The following PTPRG variants were observed in gnomAD, a reference collection of about 807,000 sequenced individuals.
PTPRG encodes protein tyrosine phosphatase receptor type G.
Under a neutral mutation model 165.3 loss-of-function variants are expected in PTPRG, and 102 were observed. The ratio of observed to expected loss-of-function variants is 0.62; its 90% CI spans 0.53 to 0.73. The LOEUF is 0.73. Ranked by LOEUF, PTPRG falls within the 30% of genes least tolerant of loss-of-function variation. The pLI, the probability that PTPRG is intolerant of heterozygous loss-of-function variation, is 0.00. For missense variants in PTPRG, 1,866 were observed against 1,861.4 expected, an observed-to-expected ratio of 1.00 and a Z score of -0.05; for synonymous variants, 675 against 669.5, an observed-to-expected ratio of 1.01 and a Z score of -0.13.
chr3:61,835,778 C>T (rs2107310605), intron 2 of PTPRG, among the ~76,000 whole-genome samples: 1 of 151,970 alleles, frequency 6.6e-6, no homozygotes, highest in Non-Finnish European at 1.5e-5. Context: ...GTGGCTCACA[C>T]CTGTAATCCC....
chr3:62,100,078 A>T (rs9883355), intron 5 of PTPRG, among the ~76,000 whole-genome samples: 7,066 of 151,966 alleles, frequency 0.046, 553 homozygotes, highest in African/African-American at 0.16. Context: ...ATCTTTTAAT[A>T]ATGTAATTTT....
chr3:62,078,100 T>A (rs1701450714), intron 4 of PTPRG, 63 bp from the exon 5 acceptor site: 4 of 1,126,784 alleles, frequency 3.5e-6, no homozygotes, highest in Non-Finnish European at 5.2e-6. Context: ...ATGGTACTAT[T>A]CTCTCAACTT....
intron 1 of PTPRG, among the ~76,000 whole-genome samples, chr3:61,614,465 AGTGGC>A (rs2106880733): frequency 7.6e-6 from 1 of 132,170 alleles, no homozygotes; most frequent in South Asian, 2.4e-4. Flanking sequence ...GCTGGAGTGC[AGTGGC>A]GTGATCTCGG....
intron 4 of PTPRG, among the ~76,000 whole-genome samples, chr3:62,052,168 T>A (rs979728042): frequency 3.3e-5 from 5 of 152,234 alleles, no homozygotes; most frequent in Admixed American, 3.3e-4. Context: ...CAATATATTT[T>A]GTGAATTATT....
intron 1 of PTPRG, among the ~76,000 whole-genome samples, chr3:61,745,730 G>C (rs887460839): frequency 6.6e-6 from 1 of 152,180 alleles, no homozygotes; most frequent in African/African-American, 2.4e-5. Context: ...TGATGTATAT[G>C]TGTGTCTGGG....
chr3:62,260,482 C>T (rs536023006), intron 16 of PTPRG, among the ~76,000 whole-genome samples: 4 of 152,082 alleles, frequency 2.6e-5, no homozygotes, highest in South Asian at 4.2e-4. Context: ...GTTCAGTCTT[C>T]GATTTTTTGC....
chr3:61,939,636 G>T (rs1024261275), intron 2 of PTPRG, among the ~76,000 whole-genome samples: 31 of 152,160 alleles, frequency 2.0e-4, no homozygotes, highest in African/African-American at 7.5e-4. Context: ...GAAATGGTTT[G>T]AGAGTTATAT....
chr3:62,046,441 C>A (rs1700295651), intron 4 of PTPRG, among the ~76,000 whole-genome samples: 1 of 152,112 alleles, frequency 6.6e-6, no homozygotes, highest in South Asian at 2.1e-4. Flanking sequence ...TAACAAGTAC[C>A]TTATGTATAC....
intron 15 of PTPRG, among the ~76,000 whole-genome samples, chr3:62,253,058 G>A (rs1352345633): frequency 6.6e-6 from 1 of 152,182 alleles, no homozygotes; most frequent in African/African-American, 2.4e-5. Flanking sequence ...GCATGTGTGT[G>A]TGACATTAGC....
In PTPRG at chr3:62,198,971, C is replaced by T. The variant is rs17633905; in HGVS notation, c.1328-2534C>T. On this transcript the variant is annotated intron_variant, in intron 10 of 29. Transcript: ENST00000474889. ...TCTGAAAGGTCCTGTAGAAGCTAGT[C>T]CTAGTTACTAGGGCTATCAGTGACC... is the stretch of plus-strand genomic sequence containing the variant. Among the ~76,000 whole-genome samples the T allele has an allele frequency of 7.2e-3, 1,103 of 152,258 alleles. 11 individuals are homozygous for T. The highest frequency in any genetic ancestry group is 0.011 in the Non-Finnish European group (742 of 68,018).
intron 2 of PTPRG, among the ~76,000 whole-genome samples, chr3:61,876,064 A>C (rs993936531): frequency 1.3e-5 from 2 of 152,252 alleles, no homozygotes; most frequent in African/African-American, 4.8e-5. Context: ...TTGGTAGCCC[A>C]ATATCAGTCA....
intron 1 of PTPRG, among the ~76,000 whole-genome samples, chr3:61,718,988 A>C (rs777577092): frequency 6.6e-6 from 1 of 152,186 alleles, no homozygotes; most frequent in Non-Finnish European, 1.5e-5. Context: ...TGTCCCCAAC[A>C]ATCCATCAAG....
chr3:62,207,900 G>A lies in PTPRG; in HGVS notation c.2155+3950G>A, dbSNP rs138125054. Among the ~76,000 whole-genome samples the A allele has an allele frequency of 9.7e-3, 1,484 of 152,258 alleles. 23 individuals carry two copies. The highest frequency in any genetic ancestry group is 0.034 in the African/African-American group (1,408 of 41,548). Reference sequence around the variant, plus strand: ...GACTGCAGCAAATTAAAGAGCACATGACTTTTCTAAAGAGGGCCATCTCAC... The same window carrying A: ...GACTGCAGCAAATTAAAGAGCACATAACTTTTCTAAAGAGGGCCATCTCAC... On this transcript the variant is annotated intron_variant, in intron 12 of 29. Coordinates refer to ENST00000474889, the MANE Select transcript of PTPRG (RefSeq NM_002841.4).
In PTPRG at chr3:62,190,134, G is replaced by A. The variant is rs1458271788; in HGVS notation, c.1034-1335G>A. On this transcript the variant is annotated intron_variant, in intron 8 of 29. Coordinates refer to ENST00000474889, the MANE Select transcript of PTPRG (RefSeq NM_002841.4). This position sits in a 1 kb window ranked among gnomAD's most constrained non-coding sequence, Gnocchi z 5.2. ...TGGTGAGCCTCCATCTCTTAGAGTG[G>A]AGGTTCTCAGCCGAAGGTGATTGGC... Among the ~76,000 whole-genome samples, 1 of 152,156 alleles carries A rather than the reference G, an allele frequency of 6.6e-6. No individual in the cohort carries two copies. Among genetic ancestry groups the A allele is most frequent in the East Asian group, 1.9e-4 (1 of 5,186 alleles).
At chr3:61,839,033 T>G (rs686553) in intron 2 of PTPRG, among the ~76,000 whole-genome samples, 61,020 of 152,058 alleles carry the variant, frequency 0.4, 13,270 homozygotes, top group East Asian at 0.67. Flanking sequence ...AGAGGAGTTT[T>G]CAGGTCTCTG....
chr3:62,224,764 A>G lies in PTPRG; in HGVS notation c.2288+5781A>G, dbSNP rs1486591026. 6.6e-6 allele frequency among the ~76,000 whole-genome samples: 1 copy of G among 152,202 alleles called. No individual in the cohort carries two copies. The highest frequency in any genetic ancestry group is 1.9e-4 in the East Asian group (1 of 5,196). On this transcript the variant is annotated intron_variant, in intron 13 of 29. Transcript: ENST00000474889. The surrounding 1 kb of genome is among the most constrained non-coding windows in gnomAD (Gnocchi z 4.9). Reference sequence around the variant, plus strand: ...GGGACTATTTGAGCAGTGTTTTTATAGGCAGCAACATGGATCTGTGGGGAG... The same window carrying G: ...GGGACTATTTGAGCAGTGTTTTTATGGGCAGCAACATGGATCTGTGGGGAG...
At position 61,648,374 on chromosome 3, in the gene PTPRG, C is replaced by T. The variant is rs186479695; in HGVS notation, c.85+86002C>T. On this transcript the variant is annotated intron_variant, in intron 1 of 29. Coordinates refer to ENST00000474889, the MANE Select transcript of PTPRG (RefSeq NM_002841.4). ...CATTCTTTCCTGCCTTGAATGCCTT[C>T]CTGTGTTTCACACATAGGCACCAAG... 4.6e-4 allele frequency among the ~76,000 whole-genome samples: 70 copies of T among 152,328 alleles called. No homozygotes were observed. The East Asian group carries it at 0.012, about 25-fold the overall frequency.
intron 1 of PTPRG, among the ~76,000 whole-genome samples, chr3:61,624,697 G>A (rs755397802): frequency 3.3e-5 from 5 of 152,198 alleles, no homozygotes; most frequent in Non-Finnish European, 5.9e-5. Context: ...TCTGCAAAAT[G>A]AGCATAATAG....
rs1160435518 is a variant in PTPRG, at chr3:62,273,680, A to G, written c.3319-18A>G. 6.2e-7 allele frequency: 1 copy of G among 1,612,450 alleles called. No individual in the cohort carries two copies. The highest frequency in any genetic ancestry group is 2.2e-5 in the East Asian group (1 of 44,836). On this transcript the variant is annotated intron_variant, in intron 22 of 29. Transcript: ENST00000474889. The surrounding 1 kb of genome is among the most constrained non-coding windows in gnomAD (Gnocchi z 4.1). ...CCTTAACACTCCCTCAGTGACTACC[A>G]TGTATTGTACCTCTTAGGAGCAGTA...
Sources: allele counts gnomAD v4.1 joint callset (sites outside exome capture counted in the v4.1 genomes callset), GRCh38; gene constraint gnomAD v4.1.1; non-coding constraint Gnocchi (gnomAD v3.1); transcripts MANE v1.5; gene names NCBI Gene and HGNC (gene_info 2026-07-23, HGNC 2026-07-21).